Variants in ADCY8 observed in about 807,000 individuals in gnomAD.
ADCY8 encodes the protein adenylate cyclase type 8.
A neutral mutation model predicts 119.7 loss-of-function variants in ADCY8; 51 were observed. The observed-to-expected ratio is 0.43, with a 90% CI of 0.34 to 0.54. The LOEUF is 0.54. Ranked by LOEUF, ADCY8 falls within the 20% of genes least tolerant of loss-of-function variation. The pLI, the probability that ADCY8 is intolerant of heterozygous loss-of-function variation, is 0.03. For missense variants in ADCY8, 1,383 were observed against 1,598.8 expected (o/e 0.87, Z 2.30); for synonymous variants, 665 against 651.0 (o/e 1.02, Z -0.33).
intron 2 of ADCY8, among the ~76,000 whole-genome samples, chr8:130,953,396 G>A (rs1353077691): frequency 2.0e-5 from 3 of 152,024 alleles, no homozygotes; most frequent in East Asian, 1.9e-4. Flanking sequence ...TGTTTCTCTC[G>A]AAACCCTGAC....
intron 2 of ADCY8, among the ~76,000 whole-genome samples, chr8:130,988,150 A>C (rs1822461281): frequency 6.6e-6 from 1 of 152,220 alleles, no homozygotes. Context: ...ATCTCATTTG[A>C]AAGCCTATGT....
chr8:130,831,144 G>A (rs867952934), intron 12 of ADCY8, among the ~76,000 whole-genome samples: 1 of 152,288 alleles, frequency 6.6e-6, no homozygotes, highest in South Asian at 2.1e-4. Flanking sequence ...GGGCAATAAT[G>A]AGAAAAAATC....
intron 8 of ADCY8, among the ~76,000 whole-genome samples, chr8:130,871,834 C>T (rs570373385): frequency 5.3e-5 from 8 of 152,248 alleles, no homozygotes; most frequent in South Asian, 2.1e-4. Context: ...TACCCACCAC[C>T]GGGTAGAATT....
At chr8:130,822,543 C>G (rs76229282) in intron 12 of ADCY8, among the ~76,000 whole-genome samples, 976 of 23,936 alleles carry the variant, frequency 0.041, 8 homozygotes, top group African/African-American at 0.083. Context: ...TGAATCCATC[C>G]ATCCATCCAT....
At chr8:130,807,181 C>T (rs1815991376) in intron 14 of ADCY8, among the ~76,000 whole-genome samples, 3 of 152,210 alleles carry the variant, frequency 2.0e-5, no homozygotes, top group African/African-American at 7.2e-5. Context: ...GTCCTCTCTG[C>T]CTGGGGAACT....
intron 5 of ADCY8, among the ~76,000 whole-genome samples, chr8:130,915,781 A>C (rs1357844911): frequency 6.6e-6 from 1 of 152,220 alleles, no homozygotes; most frequent in East Asian, 1.9e-4. Flanking sequence ...TTTTCTGCTA[A>C]AACTCTGCCT....
intron 5 of ADCY8, among the ~76,000 whole-genome samples, chr8:130,929,382 T>C (rs1027890980): frequency 1.3e-5 from 2 of 152,198 alleles, no homozygotes; most frequent in African/African-American, 2.4e-5. Flanking sequence ...TTTAAGTTCC[T>C]TCATTGATCC....
At chr8:130,885,125 A>C (rs1253399825) in intron 7 of ADCY8, among the ~76,000 whole-genome samples, 1 of 152,150 alleles carries the variant, frequency 6.6e-6, no homozygotes, top group African/African-American at 2.4e-5. Flanking sequence ...ATATGTTAAA[A>C]GTCCCCAAAA....
chr8:130,846,883 TTCCCTTTCC>T (rs1817338629), intron 11 of ADCY8, among the ~76,000 whole-genome samples: 1 of 16,452 alleles, frequency 6.1e-5, no homozygotes, highest in Non-Finnish European at 1.0e-4. Flanking sequence ...TTCCCTTCCC[TTCCCTTTCC>T]TTCCTTCCTT....
Position 130,877,456 on chromosome 8 carries a change from C to T in ADCY8, c.2109+7108G>A, listed in dbSNP as rs192856024. ...CCCAAGAATCAATAGCATGAATGCT[C>T]TGAGCTCTGCTGGAGGCACTTCCCA... On this transcript the variant is annotated intron_variant, in intron 8 of 17. Coordinates refer to ENST00000286355, the MANE Select transcript of ADCY8 (RefSeq NM_001115.3). Among the ~76,000 whole-genome samples, 9 of 152,320 alleles carry T rather than the reference C, an allele frequency of 5.9e-5. No individual in the cohort carries two copies. In the East Asian group the frequency reaches 1.7e-3, roughly 29 times the overall value.
In ADCY8 at chr8:130,839,497, G is replaced by C. The variant is rs187346603; in HGVS notation, c.2503-3048C>G. ...GCTTTTTATACCTTGAGTGAATAGTGGGGGGTGGGACCAGGAAATGGGAGA... is the reference window on the plus strand; with the variant it reads ...GCTTTTTATACCTTGAGTGAATAGTCGGGGGTGGGACCAGGAAATGGGAGA... On this transcript the variant is annotated intron_variant, in intron 11 of 17. Coordinates refer to ENST00000286355, the MANE Select transcript of ADCY8 (RefSeq NM_001115.3). 1.8e-4 allele frequency among the ~76,000 whole-genome samples: 25 copies of C among 139,892 alleles called. 5 individuals carry two copies. The East Asian group carries it at 2.0e-3, about 11-fold the overall frequency. The allele number at this position is 139,892 out of a possible 152,430, so 91.8% of individuals were successfully genotyped here. A position where few individuals can be genotyped will look rare whatever the true frequency, so the allele number is the denominator to read the frequency against.
At chr8:130,938,863 G>A (rs1820872680) in intron 4 of ADCY8, among the ~76,000 whole-genome samples, 2 of 152,146 alleles carry the variant, frequency 1.3e-5, no homozygotes, top group Admixed American at 1.3e-4. Flanking sequence ...CTGTCTATTG[G>A]CTGCTTCAAT....
intron 5 of ADCY8, among the ~76,000 whole-genome samples, chr8:130,933,744 G>C (rs113827609): frequency 6.6e-5 from 10 of 152,190 alleles, no homozygotes; most frequent in Non-Finnish European, 7.3e-5. Context: ...TCTCCAGAAA[G>C]AGAAATAATA....
At chr8:130,849,851 C>T (rs117495479) in intron 9 of ADCY8, 48 bp from the exon 10 acceptor site, 30,760 of 1,533,382 alleles carry the variant, frequency 0.02, 383 homozygotes, top group Non-Finnish European at 0.024. Context: ...ATTGTCTGAG[C>T]AACACTGAAA....
intron 12 of ADCY8, among the ~76,000 whole-genome samples, chr8:130,827,019 C>A (rs2130226897): frequency 6.6e-6 from 1 of 152,140 alleles, no homozygotes; most frequent in South Asian, 2.1e-4. Context: ...ACATATGTAA[C>A]AAACCTGCAC....
At chr8:130,808,653 T>G (rs1260190099) in intron 14 of ADCY8, among the ~76,000 whole-genome samples, 1 of 152,196 alleles carries the variant, frequency 6.6e-6, no homozygotes, top group Non-Finnish European at 1.5e-5. Context: ...ACGGCCTTTC[T>G]ATAATGAAGC....
chr8:130,784,623 T>A (rs1241953095), intron 16 of ADCY8, among the ~76,000 whole-genome samples: 4 of 152,236 alleles, frequency 2.6e-5, no homozygotes, highest in Non-Finnish European at 4.4e-5. Context: ...TGAATGGGCA[T>A]GGCTGTTTTC....
At chr8:130,947,975 C>T (rs182270514) in intron 3 of ADCY8, among the ~76,000 whole-genome samples, 132 of 152,208 alleles carry the variant, frequency 8.7e-4, no homozygotes, top group Non-Finnish European at 1.6e-3. Flanking sequence ...ATTGATTCTC[C>T]CTAATGGAAT....
At position 131,038,074 on chromosome 8, in the gene ADCY8, C is replaced by T. The variant is rs372955950; in HGVS notation, c.960+1300G>A. On this transcript the variant is annotated intron_variant, in intron 1 of 17. Transcript: ENST00000286355. Reference sequence around the variant, plus strand: ...AAAAGCAGCCAACCAGATAAGTCACCTGAGCAAAGGAATATAGAACCATTG... The same window carrying T: ...AAAAGCAGCCAACCAGATAAGTCACTTGAGCAAAGGAATATAGAACCATTG... 3.9e-5 allele frequency among the ~76,000 whole-genome samples: 6 copies of T among 152,268 alleles called. No individual in the cohort carries two copies. In the East Asian group the frequency reaches 1.2e-3, roughly 29 times the overall value.
Sources: gnomAD v4.1 joint callset for allele counts (sites outside exome capture counted in the v4.1 genomes callset) on GRCh38, gnomAD v4.1.1 for gene constraint, MANE v1.5 for transcripts, NCBI Gene and HGNC (gene_info 2026-07-23, HGNC 2026-07-21) for gene names.